Variants in PRKD2 observed in about 807,000 individuals in gnomAD.
The protein encoded by PRKD2 is serine/threonine-protein kinase D2.
Under a neutral mutation model 86.0 loss-of-function variants are expected in PRKD2, and 22 were observed. The observed-to-expected ratio is 0.26, with a 90% CI of 0.18 to 0.37. PRKD2 has a LOEUF of 0.37. Ranked by LOEUF, PRKD2 falls within the 10% of genes least tolerant of loss-of-function variation. The pLI, the probability that PRKD2 is intolerant of heterozygous loss-of-function variation, is 1.00. For missense variants in PRKD2, 818 were observed against 1,199.2 expected, an observed-to-expected ratio of 0.68 and a Z score of 4.70; for synonymous variants, 509 against 510.9, an observed-to-expected ratio of 1.00 and a Z score of 0.05.
intron 3 of PRKD2, among the ~76,000 whole-genome samples, chr19:46,706,140 C>T (rs186961211): frequency 3.3e-4 from 50 of 152,332 alleles, no homozygotes; most frequent in Admixed American, 8.5e-4. Context: ...GTTGGGATTA[C>T]AGGCATGAGC....
chr19:46,683,341 C>A (rs1291733035), intron 14 of PRKD2, among the ~76,000 whole-genome samples: 2 of 152,074 alleles, frequency 1.3e-5, no homozygotes, highest in Non-Finnish European at 2.9e-5. Context: ...GATCCACCAA[C>A]CTTGGCCTCC....
Position 46,697,470 on chromosome 19 carries a change from T to G in PRKD2, c.1240-236A>C, listed in dbSNP as rs79707825. 1,293 of 418,506 alleles carry G rather than the reference T, an allele frequency of 3.1e-3. 12 individuals carry two copies. The African/African-American group carries it at 0.031, about 10-fold the overall frequency. 25.9% of individuals were successfully genotyped at this position (418,506 alleles called of 1,614,324 possible). A position where few individuals can be genotyped will look rare whatever the true frequency, so the allele number is the denominator to read the frequency against. On this transcript the variant is annotated intron_variant, in intron 8 of 17. Transcript: ENST00000291281. ...CCAGACTCGCCCCCACTTAGCCCTC[T>G]TCCTCCAGCCAAGCTCCTCCCCTAA...
intron 1 of PRKD2, among the ~76,000 whole-genome samples, chr19:46,715,764 C>T (rs1172510534): frequency 6.6e-6 from 1 of 151,920 alleles, no homozygotes; most frequent in East Asian, 1.9e-4. Context: ...TCAATTTCTC[C>T]TGTTTCCACC....
chr19:46,703,385 G>A (rs780471087), intron 5 of PRKD2, among the ~76,000 whole-genome samples: 54 of 152,162 alleles, frequency 3.5e-4, no homozygotes, highest in Non-Finnish European at 1.0e-4. Context: ...CCAGCACTTT[G>A]GGAGGCCGAG....
At chr19:46,681,944 G>C (rs1052045721) in intron 14 of PRKD2, among the ~76,000 whole-genome samples, 196 bp from the exon 15 acceptor site, 1 of 151,390 alleles carries the variant, frequency 6.6e-6, no homozygotes, top group African/African-American at 2.4e-5. Flanking sequence ...GGGTTCAAGT[G>C]ATTCTCCTGC....
At chr19:46,712,490 G>T (rs753456780) in intron 2 of PRKD2, among the ~76,000 whole-genome samples, 14 of 151,396 alleles carry the variant, frequency 9.2e-5, no homozygotes, top group Admixed American at 3.3e-4. Flanking sequence ...GCAGCAAGCT[G>T]AGTTTGCGCC....
At chr19:46,676,522 G>C (rs1217770148) in intron 16 of PRKD2, among the ~76,000 whole-genome samples, 1 of 152,238 alleles carries the variant, frequency 6.6e-6, no homozygotes, top group Non-Finnish European at 1.5e-5. Context: ...GTGAAAAAGA[G>C]GACTAGCGAA....
Position 46,701,957 on chromosome 19 carries a change from C to T in PRKD2, c.890-845G>A, listed in dbSNP as rs561300568. On this transcript the variant is annotated intron_variant, in intron 5 of 17. Coordinates refer to ENST00000291281, the MANE Select transcript of PRKD2 (RefSeq NM_016457.5). ...ATTGCTGTAGAGTTCAGTGTTTCCA[C>T]GGTTCTAGGGACACTATACATCGAA... Among the ~76,000 whole-genome samples, 4 of 151,636 alleles carry T rather than the reference C, an allele frequency of 2.6e-5. No individual in the cohort carries two copies. In the South Asian group the frequency reaches 8.3e-4, roughly 32 times the overall value.
intron 3 of PRKD2, among the ~76,000 whole-genome samples, chr19:46,709,695 A>T (rs1184911223): frequency 6.6e-6 from 1 of 151,770 alleles, no homozygotes; most frequent in Non-Finnish European, 1.5e-5. Context: ...ATGAAAATCC[A>T]TAATCAGCTG....
At position 46,716,691 on chromosome 19, in the gene PRKD2, A is replaced by G; in HGVS notation, c.-321T>C. ...CTAGTAGGTCGGGGTCACAGGGATCAGGAGAGCCCGCGATTCAAAGGCCCC... is the reference window on the plus strand; with the variant it reads ...CTAGTAGGTCGGGGTCACAGGGATCGGGAGAGCCCGCGATTCAAAGGCCCC... On this transcript the variant is annotated 5_prime_UTR_variant, in exon 1 of 18. Coordinates refer to ENST00000291281, the MANE Select transcript of PRKD2 (RefSeq NM_016457.5). This position sits in a 1 kb window ranked among gnomAD's most constrained non-coding sequence, Gnocchi z 7.9. 4.6e-6 allele frequency: 1 copy of G among 218,104 alleles called. No individual in the cohort carries two copies. The highest frequency in any genetic ancestry group is 9.0e-6 in the Non-Finnish European group (1 of 111,228). The allele number at this position is 218,104 out of a possible 1,614,324, so 13.5% of individuals were successfully genotyped here. A position where few individuals can be genotyped will look rare whatever the true frequency, so the allele number is the denominator to read the frequency against.
intron 3 of PRKD2, among the ~76,000 whole-genome samples, chr19:46,709,900 GT>G (rs1793366050): frequency 6.6e-6 from 1 of 151,400 alleles, no homozygotes; most frequent in South Asian, 2.1e-4. Flanking sequence ...TTATTGTTTT[GT>G]TTTTGTTTCT....
intron 1 of PRKD2, chr19:46,714,318 A>T: frequency 8.9e-7 from 1 of 1,127,454 alleles, no homozygotes; most frequent in Non-Finnish European, 1.1e-6. Context: ...GGGGATGCTG[A>T]ATGAACACTC....
chr19:46,691,617 G>A, intron 12 of PRKD2, 118 bp downstream of exon 12: 1 of 984,852 alleles, frequency 1.0e-6, no homozygotes. Context: ...AATCAACATG[G>A]GAGGTGAGCA....
chr19:46,694,027 G>A lies in PRKD2; in HGVS notation c.1424C>T (p.Thr475Ile), dbSNP rs761353253. 1 of 1,614,148 alleles carries A rather than the reference G, an allele frequency of 6.2e-7. No homozygotes were observed. Among genetic ancestry groups the A allele is most frequent in the Non-Finnish European group, 8.5e-7 (1 of 1,180,038 alleles). The change falls in exon 10 of 18, where the codon ACC becomes ATC. Residue 475 changes from threonine (T) to isoleucine (I), a missense_variant. Thr to Ile is a moderately conservative substitution (Grantham distance 89). This residue lies in a region of PRKD2 where 127 missense variants were observed against 157.8 expected (regional missense o/e 0.80). Transcript: ENST00000291281. The stretch of plus-strand genomic sequence containing the variant: ...GCCAGGCATCTCGCCCACGAAGTAG[G>A]TGGCATTGGCAGTGACGATCTCAAA... ...HCFEIVTANA[T>I]YFVGEMPGGT...
In PRKD2 at chr19:46,692,790, G is replaced by A. The variant is rs137992351; in HGVS notation, c.1577-805C>T. On this transcript the variant is annotated intron_variant, in intron 10 of 17. Transcript: ENST00000291281. Reference sequence around the variant, plus strand: ...ACAGCAAACTCTCTTCTGCCTTCTGGTCTCTGCATATGCTGTTTCCCCTGC... The same window carrying A: ...ACAGCAAACTCTCTTCTGCCTTCTGATCTCTGCATATGCTGTTTCCCCTGC... 2.3e-3 allele frequency among the ~76,000 whole-genome samples: 353 copies of A among 152,186 alleles called. 2 individuals are homozygous for A. Among genetic ancestry groups the A allele is most frequent in the African/African-American group, 7.3e-3 (301 of 41,504 alleles).
At chr19:46,697,962 T>G (rs1599829950) in intron 7 of PRKD2, 112 bp from the exon 8 acceptor site, 18 of 845,204 alleles carry the variant, frequency 2.1e-5, no homozygotes, top group South Asian at 1.7e-4. Flanking sequence ...TTTTTGTTTG[T>G]TTGGTTTGTT....
chr19:46,711,074 G>T, intron 2 of PRKD2, 36 bp from the exon 3 acceptor site: 1 of 1,549,690 alleles, frequency 6.5e-7, no homozygotes, highest in East Asian at 2.4e-5. Flanking sequence ...GCTTGAGGCG[G>T]GGTAGGCCAA....
At chr19:46,708,719 C>T (rs1454465583) in intron 3 of PRKD2, among the ~76,000 whole-genome samples, 1 of 152,202 alleles carries the variant, frequency 6.6e-6, no homozygotes, top group Admixed American at 6.5e-5. Flanking sequence ...ACACCAGAAA[C>T]AGAACCCTGC....
chr19:46,704,279 T>C lies in PRKD2; in HGVS notation c.779A>G (p.Lys260Arg). ...GAGGAAGGTGTGCGGCACCTTGACC[T>C]TGGAGAGCAGCATCTTGTCCAGCTC... ...PIELDKMLLS[K>R]VKVPHTFLIH... The change falls in exon 5 of 18, where the codon AAG becomes AGG. Residue 260 changes from lysine (K) to arginine (R), a missense_variant. Lys to Arg is a conservative substitution (Grantham distance 26). Coordinates refer to ENST00000291281, the MANE Select transcript of PRKD2 (RefSeq NM_016457.5). The C allele has an allele frequency of 6.2e-7, 1 of 1,614,178 alleles. No individual in the cohort carries two copies. The highest frequency in any genetic ancestry group is 8.5e-7 in the Non-Finnish European group (1 of 1,180,030).
Sources: allele counts gnomAD v4.1 joint callset (sites outside exome capture counted in the v4.1 genomes callset), GRCh38; gene constraint gnomAD v4.1.1; regional missense constraint gnomAD v4.1.1; non-coding constraint Gnocchi (gnomAD v3.1); transcripts MANE v1.5; gene names NCBI Gene and HGNC (gene_info 2026-07-23, HGNC 2026-07-21).